Variants in DRC9 observed in about 807,000 individuals in gnomAD.
The protein encoded by DRC9 is dynein regulatory complex protein 9.
At chr3:197,934,345 C>T in the DRC9 span, among the ~76,000 whole-genome samples, 1 of 151,984 alleles carries the variant, frequency 6.6e-6, no homozygotes, top group South Asian at 2.1e-4. Flanking sequence ...CCACCACACC[C>T]AGCTAACTTC....
At chr3:197,949,894 C>T in the DRC9 span, 2 of 396,820 alleles carry the variant, frequency 5.0e-6, no homozygotes, top group Admixed American at 8.8e-5. Flanking sequence ...CGCCTTTCCA[C>T]CTACGGCGTC....
At chr3:197,917,133 C>T in the DRC9 span, among the ~76,000 whole-genome samples, 3 of 152,106 alleles carry the variant, frequency 2.0e-5, no homozygotes, top group Non-Finnish European at 4.4e-5. Flanking sequence ...CTGGGCAACA[C>T]AGTGAAAACC....
the DRC9 span, chr3:197,944,191 G>A: frequency 1.4e-6 from 1 of 737,776 alleles, no homozygotes; most frequent in Non-Finnish European, 2.2e-6. Flanking sequence ...AAAAAAGGAG[G>A]ATTTGGCGTG....
the DRC9 span, chr3:197,953,704 C>G: frequency 4.3e-6 from 2 of 462,224 alleles, no homozygotes; most frequent in Admixed American, 6.6e-5. Flanking sequence ...CACACTTGTC[C>G]TTTTTTGCTA....
chr3:197,913,167 A>G, the DRC9 span: 1 of 169,892 alleles, frequency 5.9e-6, no homozygotes, highest in Non-Finnish European at 1.3e-5. Flanking sequence ...CCCTCTTCCC[A>G]TCTGCCTGCT....
the DRC9 span, among the ~76,000 whole-genome samples, chr3:197,934,853 C>T: frequency 6.9e-6 from 1 of 145,438 alleles, no homozygotes; most frequent in African/African-American, 2.6e-5. Context: ...GTCATGGTGG[C>T]ACGTGCCTGT....
At chr3:197,952,885 T>C in the DRC9 span, among the ~76,000 whole-genome samples, 6 of 151,392 alleles carry the variant, frequency 4.0e-5, no homozygotes, top group Non-Finnish European at 1.5e-5. Flanking sequence ...CAGGCTGGAG[T>C]GCAGTGGTGT....
chr3:197,936,182 A>C, the DRC9 span, among the ~76,000 whole-genome samples: 7 of 152,038 alleles, frequency 4.6e-5, no homozygotes, highest in Non-Finnish European at 5.9e-5. Flanking sequence ...AAAAAAAAAG[A>C]TATTTAGATT....
chr3:197,957,383 T>C, the DRC9 span: 1 of 152,238 alleles, frequency 6.6e-6, no homozygotes, highest in Non-Finnish European at 1.5e-5. Flanking sequence ...AAAGCTGCCA[T>C]TGTTGGAGTC....
chr3:197,936,019 G>A, the DRC9 span, among the ~76,000 whole-genome samples: 39 of 151,858 alleles, frequency 2.6e-4, no homozygotes, highest in Non-Finnish European at 4.0e-4. Context: ...AGGCTGAGAC[G>A]GGCGGATCAC....
the DRC9 span, chr3:197,955,743 C>G: frequency 6.2e-7 from 1 of 1,600,966 alleles, no homozygotes; most frequent in Non-Finnish European, 8.5e-7. Flanking sequence ...TTCTTTTTTC[C>G]CTGCAGATGC....
chr3:197,932,644 A>C, the DRC9 span, among the ~76,000 whole-genome samples: 1 of 136,032 alleles, frequency 7.4e-6, no homozygotes, highest in Non-Finnish European at 1.6e-5. Context: ...TAAATAAATA[A>C]ATAAATAAAT....
chr3:197,944,844 G>A, the DRC9 span, among the ~76,000 whole-genome samples: 1 of 152,068 alleles, frequency 6.6e-6, no homozygotes, highest in Admixed American at 6.5e-5. Flanking sequence ...GCCTCCCAAA[G>A]TGCTGGGATT....
chr3:197,904,042 A>G, the DRC9 span, among the ~76,000 whole-genome samples: 1 of 96,466 alleles, frequency 1.0e-5, no homozygotes, highest in East Asian at 2.2e-4. Flanking sequence ...ATACATACAT[A>G]TATATACATA....
the DRC9 span, among the ~76,000 whole-genome samples, chr3:197,896,890 C>A: frequency 2.2e-4 from 33 of 151,982 alleles, no homozygotes; most frequent in African/African-American, 7.7e-4. Context: ...CTTTCCCCTT[C>A]AAAAAAAATC....
chr3:197,927,683 C>T, the DRC9 span, among the ~76,000 whole-genome samples: 3 of 152,188 alleles, frequency 2.0e-5, no homozygotes, highest in South Asian at 2.1e-4. Context: ...TTCAATATCC[C>T]AAGGAAAGGT....
the DRC9 span, chr3:197,953,907 G>A: frequency 8.1e-7 from 1 of 1,236,848 alleles, no homozygotes; most frequent in Non-Finnish European, 1.2e-6. Flanking sequence ...GATGAAGTGG[G>A]TAACCAGGGT....
At chr3:197,951,064 A>G in the DRC9 span, 1 of 1,603,272 alleles carries the variant, frequency 6.2e-7, no homozygotes, top group South Asian at 1.1e-5. Flanking sequence ...AAAAACTTAG[A>G]TGTTTGCTCT....
chr3:197,905,276 A>T, the DRC9 span, among the ~76,000 whole-genome samples: 1 of 152,212 alleles, frequency 6.6e-6, no homozygotes, highest in Non-Finnish European at 1.5e-5. Context: ...AAGGTGATGG[A>T]GACCCCAATT....
Sources: allele counts gnomAD v4.1 joint callset (sites outside exome capture counted in the v4.1 genomes callset), GRCh38; gene constraint gnomAD v4.1.1; transcripts MANE v1.5; gene names NCBI Gene and HGNC (gene_info 2026-07-23, HGNC 2026-07-21).